The following MYO19 variants were observed in gnomAD, a reference collection of about 807,000 sequenced individuals.
MYO19 encodes unconventional myosin-XIX.
MYO19 carries 132 observed loss-of-function variants against 129.2 expected under a neutral mutation model. The observed-to-expected ratio is 1.02, with a 90% CI of 0.89 to 1.18. The LOEUF is 1.18. MYO19 is among the 50% of genes most tolerant of loss of function. MYO19 has a pLI of 0.00. For missense variants in MYO19, 1,210 were observed against 1,216.7 expected, an observed-to-expected ratio of 0.99 and a Z score of 0.08; for synonymous variants, 531 against 477.2, an observed-to-expected ratio of 1.11 and a Z score of -1.47.
chr17:36,511,159 T>A, intron 12 of MYO19: 1 of 666,646 alleles, frequency 1.5e-6, no homozygotes, highest in Non-Finnish European at 2.5e-6. Context: ...AACCTCTGAC[T>A]CATTTTCTCA....
rs958252350 is a variant in MYO19, at chr17:36,532,437, T to C, written c.12+90A>G. ...AATTTGAGGAGAGAAAAGAGACCTT[T>C]AAGGGGGCTTTCCCTTCCTTCCAGG... On this transcript the variant is annotated intron_variant, in intron 3 of 25. Transcript: ENST00000614623. The C allele has an allele frequency of 5.4e-6, 8 of 1,484,760 alleles. No homozygotes were observed. The Admixed American group carries it at 5.9e-5, about 11-fold the overall frequency. 92.0% of individuals were successfully genotyped at this position (1,484,760 alleles called of 1,614,324 possible).
chr17:36,515,263 G>A lies in MYO19; in HGVS notation c.548-81C>T, dbSNP rs943890587. 135 of 1,322,932 alleles carry A rather than the reference G, an allele frequency of 1.0e-4. No individual in the cohort carries two copies. The Middle Eastern group carries it at 2.2e-3, about 22-fold the overall frequency. The allele number at this position is 1,322,932 out of a possible 1,614,324, so 81.9% of individuals were successfully genotyped here. A position where few individuals can be genotyped will look rare whatever the true frequency, so the allele number is the denominator to read the frequency against. ...GCCAAGGTGGCTGCAGGTCTCTGGA[G>A]GTCATGTTCCCGTGCTCAAGTCACC... On this transcript the variant is annotated intron_variant, in intron 7 of 25. Coordinates refer to ENST00000614623, the MANE Select transcript of MYO19 (RefSeq NM_001163735.2).
chr17:36,515,039 C>G (rs1177107210), intron 8 of MYO19, 74 bp downstream of exon 8: 24 of 1,434,250 alleles, frequency 1.7e-5, no homozygotes, highest in Non-Finnish European at 2.3e-5. Context: ...GTGGCCCAGG[C>G]CAGATACTGC....
chr17:36,510,620 G>C (rs1452055475), intron 13 of MYO19, 126 bp downstream of exon 13: 2 of 1,056,266 alleles, frequency 1.9e-6, no homozygotes, highest in Admixed American at 2.6e-5. Context: ...AGCAGGGAGA[G>C]GAACCAGTCT....
chr17:36,513,381 C>T, intron 11 of MYO19, 48 bp downstream of exon 11: 1 of 1,613,834 alleles, frequency 6.2e-7, no homozygotes, highest in Admixed American at 1.7e-5. Flanking sequence ...ATGCAAAGGG[C>T]TGCCCGTCAT....
In MYO19 at chr17:36,512,871, C is replaced by T. The variant is rs537049773; in HGVS notation, c.894+558G>A. The T allele has an allele frequency of 4.0e-5, 47 of 1,172,056 alleles. No individual in the cohort carries two copies. The South Asian group carries it at 6.2e-4, about 16-fold the overall frequency. 72.6% of individuals were successfully genotyped at this position (1,172,056 alleles called of 1,614,324 possible). A position where few individuals can be genotyped will look rare whatever the true frequency, so the allele number is the denominator to read the frequency against. On this transcript the variant is annotated intron_variant, in intron 11 of 25. Transcript: ENST00000614623. ...TAGTGTGACTGAGAGGAGCCCAGCT[C>T]ACCTGGGGCAGTCTCATGTTCCAGA...
intron 3 of MYO19, among the ~76,000 whole-genome samples, 191 bp from the exon 4 acceptor site, chr17:36,528,393 C>T (rs532539619): frequency 6.6e-6 from 1 of 152,128 alleles, no homozygotes; most frequent in Admixed American, 6.5e-5. Context: ...CACCTGTAGT[C>T]CCAGCTACTC....
intron 11 of MYO19, 100 bp downstream of exon 11, chr17:36,513,329 A>G (rs772702437): frequency 1.9e-6 from 3 of 1,604,174 alleles, no homozygotes; most frequent in Non-Finnish European, 2.6e-6. Flanking sequence ...AAAGTCCTAG[A>G]TCCTCAGGGA....
intron 3 of MYO19, among the ~76,000 whole-genome samples, chr17:36,529,751 C>T (rs1324395731): frequency 6.6e-6 from 1 of 152,088 alleles, no homozygotes; most frequent in Non-Finnish European, 1.5e-5. Context: ...CAAACACAGA[C>T]ACAATTTATG....
chr17:36,504,234 C>A (rs2071726902), intron 19 of MYO19: 1 of 503,876 alleles, frequency 2.0e-6, no homozygotes, highest in East Asian at 3.3e-5. Context: ...GGTCCCAAGT[C>A]CCCCTCATCC....
intron 13 of MYO19, 111 bp from the exon 14 acceptor site, chr17:36,509,246 A>G: frequency 1.1e-6 from 1 of 891,248 alleles, no homozygotes. Flanking sequence ...TTGTATTCTG[A>G]GCCTGACAGG....
chr17:36,518,319 A>T (rs1028622430), intron 6 of MYO19, among the ~76,000 whole-genome samples: 1 of 150,730 alleles, frequency 6.6e-6, no homozygotes, highest in Non-Finnish European at 1.5e-5. Flanking sequence ...TACTAAAAAT[A>T]CATAGTCTCT....
At chr17:36,513,565 G>A in intron 10 of MYO19, 60 bp from the exon 11 acceptor site, 2 of 1,613,700 alleles carry the variant, frequency 1.2e-6, no homozygotes, top group Non-Finnish European at 1.7e-6. Context: ...AGGGAGGCAG[G>A]CTCTGTACAG....
intron 6 of MYO19, among the ~76,000 whole-genome samples, chr17:36,520,039 G>C (rs1398571794): frequency 1.3e-5 from 2 of 151,710 alleles, no homozygotes; most frequent in African/African-American, 4.8e-5. Flanking sequence ...ACTCTGTCAT[G>C]ATCTTGGCTC....
At chr17:36,512,196 A>AACACACACACAAACACAC (rs2072384821) in intron 11 of MYO19, among the ~76,000 whole-genome samples, 1 of 138,134 alleles carries the variant, frequency 7.2e-6, no homozygotes, top group South Asian at 2.3e-4. Flanking sequence ...ACTAAAAATA[A>AACACACACACAAACACAC]ACACACACAC....
rs769403299 is a variant in MYO19, at chr17:36,507,177, G to A, written c.1468-38C>T. The A allele has an allele frequency of 2.9e-5, 46 of 1,579,792 alleles. No individual in the cohort carries two copies. The Admixed American group carries it at 7.4e-4, about 25-fold the overall frequency. On this transcript the variant is annotated intron_variant, in intron 16 of 25. Coordinates refer to ENST00000614623, the MANE Select transcript of MYO19 (RefSeq NM_001163735.2). ...AACAGGGGGTCAGCCACCAACATGAGAGTGTCTCACCACAACCCTCACTGT... is the reference window on the plus strand; with the variant it reads ...AACAGGGGGTCAGCCACCAACATGAAAGTGTCTCACCACAACCCTCACTGT...
chr17:36,541,104 C>T (rs1350338151), intron 2 of MYO19, among the ~76,000 whole-genome samples: 1 of 152,116 alleles, frequency 6.6e-6, no homozygotes, highest in Non-Finnish European at 1.5e-5. Flanking sequence ...CCCGCCACCA[C>T]ACCCGGCTGA....
chr17:36,497,036 T>C (rs908684801), intron 25 of MYO19, among the ~76,000 whole-genome samples: 6 of 151,980 alleles, frequency 3.9e-5, no homozygotes, highest in African/African-American at 1.5e-4. Context: ...CCCTGGATGC[T>C]TATATAAAAA....
At chr17:36,536,532 T>TC (rs1170023434), upstream of MYO19, among the ~76,000 whole-genome samples, 1 of 147,958 alleles carries the variant, frequency 6.8e-6, no homozygotes, top group African/African-American at 2.5e-5. Context: ...TCCTTTTTTT[T>TC]TTTTTTTTTT....
Sources: allele counts gnomAD v4.1 joint callset (sites outside exome capture counted in the v4.1 genomes callset), GRCh38; gene constraint gnomAD v4.1.1; transcripts MANE v1.5; gene names NCBI Gene and HGNC (gene_info 2026-07-23, HGNC 2026-07-21).